The following FNDC3A variants were observed in gnomAD, a reference collection of about 807,000 sequenced individuals.
FNDC3A encodes the protein fibronectin type III domain containing 3A.
Under a neutral mutation model 148.9 loss-of-function variants are expected in FNDC3A, and 32 were observed. The observed-to-expected ratio is 0.21, with a 90% CI of 0.16 to 0.29. FNDC3A has a LOEUF of 0.29. Among genes scored for constraint, FNDC3A ranks in the 10% least tolerant of loss-of-function variants. FNDC3A has a pLI of 1.00. For synonymous variants in FNDC3A, 472 were observed against 473.6 expected (o/e 1.00, Z 0.04); for missense variants, 1,191 against 1,452.8 (o/e 0.82, Z 2.93).
intron 16 of FNDC3A, chr13:49,187,708 A>T: frequency 7.0e-7 from 1 of 1,429,440 alleles, no homozygotes; most frequent in Non-Finnish European, 9.8e-7. Flanking sequence ...ACAGAAACCG[A>T]GGACGGATGA....
Position 49,062,238 on chromosome 13 carries a change from G to A in FNDC3A, c.100-13051G>A, listed in dbSNP as rs147593093. 3.0e-3 allele frequency among the ~76,000 whole-genome samples: 457 copies of A among 152,294 alleles called. 3 individuals carry two copies. Among genetic ancestry groups the A allele is most frequent in the South Asian group, 0.019 (92 of 4,828 alleles). ...TGAGAGTGAGCAAAAGTGGCAACAC[G>A]TTAATTGGTGAATGTAGGTGAAGTT... On this transcript the variant is annotated intron_variant, in intron 2 of 25. Coordinates refer to ENST00000492622, the MANE Select transcript of FNDC3A (RefSeq NM_001079673.2).
At chr13:49,158,122 C>T (rs1319949862) in intron 8 of FNDC3A, among the ~76,000 whole-genome samples, 3 of 152,188 alleles carry the variant, frequency 2.0e-5, no homozygotes, top group African/African-American at 2.4e-5. Context: ...CCCCCAGCCT[C>T]GCTGTCGCCT....
intron 1 of FNDC3A, among the ~76,000 whole-genome samples, chr13:48,980,076 A>T (rs1348385449): frequency 6.6e-6 from 1 of 152,132 alleles, no homozygotes; most frequent in Non-Finnish European, 1.5e-5. Context: ...CCTAAAAAAA[A>T]AGTATGTAGA....
intron 2 of FNDC3A, among the ~76,000 whole-genome samples, chr13:49,034,705 A>G (rs1188171902): frequency 6.6e-6 from 1 of 152,056 alleles, no homozygotes; most frequent in Non-Finnish European, 1.5e-5. Context: ...CATAAAGATA[A>G]GGCAGAAATT....
At chr13:49,194,457 A>G (rs75092190) in intron 19 of FNDC3A, among the ~76,000 whole-genome samples, 22,020 of 152,220 alleles carry the variant, frequency 0.14, 2,170 homozygotes, top group Non-Finnish European at 0.21. Context: ...TCTGCCTTGT[A>G]AACTTGCCAT....
chr13:49,067,990 G>A (rs781089872), intron 2 of FNDC3A, among the ~76,000 whole-genome samples: 54 of 151,972 alleles, frequency 3.6e-4, no homozygotes, highest in Non-Finnish European at 3.5e-4. Context: ...TTAAAAATGT[G>A]TTGGAAATAA....
intron 2 of FNDC3A, chr13:49,044,740 A>G (rs745868210): frequency 1.7e-5 from 7 of 400,436 alleles, no homozygotes; most frequent in Non-Finnish European, 3.5e-5. Context: ...AGATATAGCA[A>G]TAGCTAAGTT....
chr13:49,075,611 A>G (rs575057202), intron 3 of FNDC3A, among the ~76,000 whole-genome samples: 9 of 152,256 alleles, frequency 5.9e-5, no homozygotes, highest in South Asian at 2.1e-4. Context: ...CTGTTCAGCA[A>G]TCTTTATCAA....
At chr13:49,057,523 A>G (rs372145430) in intron 2 of FNDC3A, among the ~76,000 whole-genome samples, 2 of 152,152 alleles carry the variant, frequency 1.3e-5, no homozygotes, top group African/African-American at 4.8e-5. Flanking sequence ...TTACAAATTT[A>G]TGCATTTGTT....
chr13:49,041,546 C>T (rs1280519897), intron 2 of FNDC3A, among the ~76,000 whole-genome samples: 1 of 152,208 alleles, frequency 6.6e-6, no homozygotes, highest in Non-Finnish European at 1.5e-5. Context: ...CACAGTGGCT[C>T]ACGCCTGTAA....
At chr13:49,189,730 C>T (rs1160460582) in intron 17 of FNDC3A, among the ~76,000 whole-genome samples, 3 of 152,124 alleles carry the variant, frequency 2.0e-5, no homozygotes, top group Non-Finnish European at 2.9e-5. Flanking sequence ...AAAGCAACAA[C>T]ACATAGACAT....
chr13:49,127,689 A>G (rs1034948509), intron 4 of FNDC3A, among the ~76,000 whole-genome samples: 28 of 152,088 alleles, frequency 1.8e-4, no homozygotes, highest in African/African-American at 5.3e-4. Flanking sequence ...TCTATTCAAC[A>G]TTTCCACTAA....
At chr13:49,083,796 C>T (rs917224302) in intron 3 of FNDC3A, among the ~76,000 whole-genome samples, 7 of 152,172 alleles carry the variant, frequency 4.6e-5, no homozygotes, top group Admixed American at 1.3e-4. Context: ...ATAACAGTGT[C>T]CCATCTTCAT....
In FNDC3A at chr13:49,003,765, A is replaced by C. The variant is rs1285941992; in HGVS notation, c.-39-2387A>C. Among the ~76,000 whole-genome samples, 5 of 152,212 alleles carry C rather than the reference A, an allele frequency of 3.3e-5. No homozygotes were observed. The East Asian group carries it at 9.6e-4, about 29-fold the overall frequency. ...CTAATTAAAATATTAGACCTACCAAAAAAAAAGTTGCAAGAATAGTACAAA... is the reference window on the plus strand; with the variant it reads ...CTAATTAAAATATTAGACCTACCAACAAAAAAGTTGCAAGAATAGTACAAA... On this transcript the variant is annotated intron_variant, in intron 1 of 25. Transcript: ENST00000492622.
intron 1 of FNDC3A, among the ~76,000 whole-genome samples, chr13:48,980,068 T>TA (rs528860581): frequency 5.3e-5 from 8 of 150,942 alleles, no homozygotes; most frequent in African/African-American, 7.3e-5. Context: ...TATGTTATCC[T>TA]AAAAAAAAAG....
At chr13:49,030,803 A>G (rs1274465307) in intron 2 of FNDC3A, among the ~76,000 whole-genome samples, 3 of 152,228 alleles carry the variant, frequency 2.0e-5, no homozygotes, top group Non-Finnish European at 4.4e-5. Flanking sequence ...AATGAAAGAA[A>G]TATAAGATGT....
At chr13:48,993,569 G>A (rs1425715263) in intron 1 of FNDC3A, among the ~76,000 whole-genome samples, 1 of 152,148 alleles carries the variant, frequency 6.6e-6, no homozygotes, top group African/African-American at 2.4e-5. Flanking sequence ...TAATGAAGAT[G>A]TGTACATTTT....
chr13:49,007,321 C>T (rs1952240377), intron 2 of FNDC3A, among the ~76,000 whole-genome samples: 1 of 152,018 alleles, frequency 6.6e-6, no homozygotes, highest in Non-Finnish European at 1.5e-5. Flanking sequence ...AGTGTTGTGT[C>T]CTGGTTTTAA....
intron 2 of FNDC3A, among the ~76,000 whole-genome samples, chr13:49,023,784 G>T (rs1402760558): frequency 6.6e-6 from 1 of 151,884 alleles, no homozygotes. Flanking sequence ...AAAAAACAAA[G>T]ATGTTTCCCA....
Sources: gnomAD v4.1 joint callset for allele counts (sites outside exome capture counted in the v4.1 genomes callset) on GRCh38, gnomAD v4.1.1 for gene constraint, MANE v1.5 for transcripts, NCBI Gene and HGNC (gene_info 2026-07-23, HGNC 2026-07-21) for gene names.